The following RXFP1 variants were observed in gnomAD, a reference collection of about 807,000 sequenced individuals.
The protein encoded by RXFP1 is relaxin receptor 1.
A neutral mutation model predicts 89.8 loss-of-function variants in RXFP1; 73 were observed. The ratio of observed to expected loss-of-function variants is 0.81; its 90% CI spans 0.67 to 0.99. The LOEUF (loss-of-function observed/expected upper bound fraction) is 0.99. RXFP1 is among the 50% of genes least tolerant of loss of function. The pLI is 0.00. For synonymous variants in RXFP1, 277 were observed against 305.5 expected (o/e 0.91, Z 0.97); for missense variants, 793 against 895.5 (o/e 0.89, Z 1.46).
At chr4:158,537,048 A>G (rs1303409179) in intron 1 of RXFP1, among the ~76,000 whole-genome samples, 1 of 151,068 alleles carries the variant, frequency 6.6e-6, no homozygotes, top group African/African-American at 2.4e-5. Flanking sequence ...GTTTTTGACA[A>G]CGCAATTACT....
chr4:158,604,593 T>A (rs1299789005), intron 4 of RXFP1, among the ~76,000 whole-genome samples: 1 of 152,174 alleles, frequency 6.6e-6, no homozygotes, highest in Admixed American at 6.5e-5. Flanking sequence ...ACTTATTGAA[T>A]AAAGATGATC....
At chr4:158,603,472 T>G (rs1405061353) in intron 4 of RXFP1, among the ~76,000 whole-genome samples, 1 of 152,224 alleles carries the variant, frequency 6.6e-6, no homozygotes, top group Non-Finnish European at 1.5e-5. Flanking sequence ...AGCCATTAAG[T>G]GTCTGATATG....
chr4:158,532,467 G>A (rs964799971), intron 1 of RXFP1, among the ~76,000 whole-genome samples: 1 of 152,080 alleles, frequency 6.6e-6, no homozygotes, highest in Admixed American at 6.6e-5. Context: ...TCTTACCTGC[G>A]CTACCCTTTT....
At chr4:158,522,248 G>A (rs1741358962) in intron 1 of RXFP1, among the ~76,000 whole-genome samples, 1 of 152,142 alleles carries the variant, frequency 6.6e-6, no homozygotes. Context: ...GATGTGCCGT[G>A]TAAACCTAGG....
intron 2 of RXFP1, among the ~76,000 whole-genome samples, chr4:158,579,617 TG>T (rs1467752347): frequency 2.6e-5 from 4 of 152,178 alleles, no homozygotes; most frequent in Non-Finnish European, 5.9e-5. Context: ...ACAGCAGCCC[TG>T]GGGAACAATG....
rs369443195 is a variant in RXFP1, at chr4:158,538,988, G to A, written c.49+16963G>A. ...GGTGAGCAAGGGCCATTCAAAACACGCCCAGGTGGCAACAGCAATAAGAGA... is the reference window on the plus strand; with the variant it reads ...GGTGAGCAAGGGCCATTCAAAACACACCCAGGTGGCAACAGCAATAAGAGA... On this transcript the variant is annotated intron_variant, in intron 1 of 17. Transcript: ENST00000307765. Among the ~76,000 whole-genome samples, 7 of 152,014 alleles carry A rather than the reference G, an allele frequency of 4.6e-5. No individual in the cohort carries two copies. The South Asian group carries it at 6.2e-4, about 13-fold the overall frequency.
intron 2 of RXFP1, among the ~76,000 whole-genome samples, chr4:158,592,179 A>G (rs76442239): frequency 4.6e-5 from 7 of 152,218 alleles, no homozygotes; most frequent in Admixed American, 4.6e-4. Context: ...AAATATATAT[A>G]TAAGCACTCA....
At chr4:158,575,641 G>C (rs1347049878) in intron 2 of RXFP1, among the ~76,000 whole-genome samples, 1 of 152,178 alleles carries the variant, frequency 6.6e-6, no homozygotes, top group East Asian at 1.9e-4. Context: ...GAATACTGCT[G>C]TCTGTGAACC....
rs894032386 is a variant in RXFP1 at position 158,543,878 on chromosome 4, A to G, written c.49+21853A>G. 103 of 985,304 alleles carry G rather than the reference A, an allele frequency of 1.0e-4. No homozygotes were observed. In the African/African-American group the frequency reaches 1.7e-3, roughly 16 times the overall value. The allele number at this position is 985,304 out of a possible 1,614,324, so 61.0% of individuals were successfully genotyped here. A position where few individuals can be genotyped will look rare whatever the true frequency, so the allele number is the denominator to read the frequency against. On this transcript the variant is annotated intron_variant, in intron 1 of 17. Coordinates refer to ENST00000307765, the MANE Select transcript of RXFP1 (RefSeq NM_021634.4). ...AGTGGCATGCCAAATTTGCCCATCA[A>G]TTTATTGGCACATTCAAGAATAAAG...
Position 158,599,316 on chromosome 4 carries a change from C to G in RXFP1, c.287-10C>G, listed in dbSNP as rs1394246457. On this transcript the variant is annotated splice_polypyrimidine_tract_variant and intron_variant, in intron 3 of 17. Coordinates refer to ENST00000307765, the MANE Select transcript of RXFP1 (RefSeq NM_021634.4). ...CTGTCATCATGCCTTACCACTTCCCCTTGATTCAGTGGTCGGTTCTGTGCC... is the reference window on the plus strand; with the variant it reads ...CTGTCATCATGCCTTACCACTTCCCGTTGATTCAGTGGTCGGTTCTGTGCC... The G allele has an allele frequency of 8.7e-6, 14 of 1,613,694 alleles. No homozygotes were observed. Among genetic ancestry groups the G allele is most frequent in the African/African-American group, 1.3e-5 (1 of 74,880 alleles).
intron 2 of RXFP1, among the ~76,000 whole-genome samples, chr4:158,578,829 T>C (rs186792320): frequency 1.3e-5 from 2 of 152,064 alleles, no homozygotes; most frequent in African/African-American, 4.8e-5. Context: ...TGTCAGTCTG[T>C]TTACATATTA....
intron 2 of RXFP1, among the ~76,000 whole-genome samples, chr4:158,579,362 G>A (rs183411953): frequency 3.2e-4 from 48 of 152,208 alleles, no homozygotes; most frequent in African/African-American, 1.1e-3. Flanking sequence ...TCTGCCTACC[G>A]GGTTCAAGCA....
intron 1 of RXFP1, among the ~76,000 whole-genome samples, chr4:158,541,350 G>GCACACACACACA (rs58856633): frequency 0.11 from 15,615 of 139,672 alleles, 1,018 homozygotes; most frequent in South Asian, 0.22. Flanking sequence ...AGAGCTTCAT[G>GCACACACACACA]CACACACACA....
At chr4:158,623,342 C>CAAAAA (rs35034196) in intron 9 of RXFP1, among the ~76,000 whole-genome samples, 57 of 106,322 alleles carry the variant, frequency 5.4e-4, no homozygotes, top group Non-Finnish European at 9.3e-4. Context: ...CTACTAAATA[C>CAAAAA]AAAAAAAAAA....
In RXFP1 at chr4:158,631,864, G is replaced by A. The variant is rs575906272; in HGVS notation, c.900-1541G>A. ...TCCCAGCACTTTGGGAGGCTGAGAC[G>A]GGATGATCACTTGTGCCCAGGAGTT... On this transcript the variant is annotated intron_variant, in intron 11 of 17. Transcript: ENST00000307765. 5.9e-5 allele frequency among the ~76,000 whole-genome samples: 9 copies of A among 152,242 alleles called. No individual in the cohort carries two copies. The East Asian group carries it at 1.7e-3, about 29-fold the overall frequency.
chr4:158,621,127 CTCTG>C (rs1431831407), intron 9 of RXFP1, among the ~76,000 whole-genome samples: 1 of 151,794 alleles, frequency 6.6e-6, no homozygotes, highest in Non-Finnish European at 1.5e-5. Flanking sequence ...GACAGTGAGA[CTCTG>C]TCTCAAAAAA....
chr4:158,605,099 C>A lies in RXFP1; in HGVS notation c.424C>A (p.Pro142Thr). 6.3e-7 allele frequency: 1 copy of A among 1,594,572 alleles called. No individual in the cohort carries two copies. Among genetic ancestry groups the A allele is most frequent in the Non-Finnish European group, 8.6e-7 (1 of 1,165,568 alleles). ...SLQWNLIRKL[P>T]PDCFKNYHDL... ...TCAGTGGAACTTAATAAGAAAGCTT[C>A]CTCCTGATTGCTTCAAGAATTATCA... The change falls in exon 5 of 18, where the codon CCT becomes ACT. Residue 142 changes from proline (P) to threonine (T), a missense_variant. Pro to Thr is a conservative substitution (Grantham distance 38). Coordinates refer to ENST00000307765, the MANE Select transcript of RXFP1 (RefSeq NM_021634.4).
intron 1 of RXFP1, among the ~76,000 whole-genome samples, chr4:158,542,098 TATATATATATA>T (rs1488916318): frequency 6.0e-4 from 30 of 49,726 alleles, no homozygotes; most frequent in African/African-American, 1.4e-3. Context: ...TATATATATA[TATATATATATA>T]TTTTTTTTTT....
chr4:158,584,366 G>A (rs558051392), intron 2 of RXFP1, among the ~76,000 whole-genome samples: 3 of 151,968 alleles, frequency 2.0e-5, no homozygotes, highest in African/African-American at 7.2e-5. Flanking sequence ...CCTGGGAGGT[G>A]GAGGTTGCAG....
Sources: gnomAD v4.1 joint callset for allele counts (sites outside exome capture counted in the v4.1 genomes callset) on GRCh38, gnomAD v4.1.1 for gene constraint, MANE v1.5 for transcripts, NCBI Gene and HGNC (gene_info 2026-07-23, HGNC 2026-07-21) for gene names.